MORN3: variants seen among roughly 807,000 people sequenced by gnomAD.
MORN3 encodes the protein MORN repeat containing 3.
MORN3 carries 38 observed loss-of-function variants against 34.7 expected under a neutral mutation model. The ratio of observed to expected loss-of-function variants is 1.10; its 90% CI spans 0.85 to 1.44. The LOEUF (loss-of-function observed/expected upper bound fraction) is 1.44, where lower values mean the gene tolerates loss of function less well. Ranked by LOEUF, MORN3 falls within the 40% of genes most tolerant of loss-of-function variation. The pLI is 0.00. For synonymous variants in MORN3, 109 were observed against 115.3 expected (o/e 0.95, Z 0.35); for missense variants, 311 against 321.7 (o/e 0.97, Z 0.25).
chr12:121,664,759 G>A (rs1172369296), intron 1 of MORN3, among the ~76,000 whole-genome samples: 1 of 151,610 alleles, frequency 6.6e-6, no homozygotes. Flanking sequence ...CCCGAACCTT[G>A]GGGATTTAGA....
Position 121,658,527 on chromosome 12 carries a change from C to G in MORN3, c.303+664G>C, listed in dbSNP as rs1289940126. ...CTCGCAGTGAGCCAAGATGGCGCCA[C>G]TGCACTCCAGCCTGGGCGGCAGGAT... On this transcript the variant is annotated intron_variant, in intron 2 of 5. Transcript: ENST00000355329. Among the ~76,000 whole-genome samples the G allele has an allele frequency of 2.8e-5, 4 of 140,654 alleles. No homozygotes were observed. The Admixed American group carries it at 3.0e-4, about 11-fold the overall frequency. 92.3% of individuals were successfully genotyped at this position (140,654 alleles called of 152,430 possible). A position where few individuals can be genotyped will look rare whatever the true frequency, so the allele number is the denominator to read the frequency against.
At position 121,659,299 on chromosome 12, in the gene MORN3, G is replaced by T. The variant is rs745555658; in HGVS notation, c.195C>A (p.Asp65Glu). Residue 65 changes from aspartate (D) to glutamate (E), a missense_variant, in exon 2 of 6, where the codon GAC (aspartate) becomes GAA (glutamate). By Grantham distance (45) the Asp-to-Glu change is conservative. Coordinates refer to ENST00000355329, the MANE Select transcript of MORN3 (RefSeq NM_173855.5). ...WKKKGAIYEG[D>E]WKFGKRDGYG... ...AGCCGTCTCGCTTCCCAAACTTCCAGTCCCCCTCATAGATGGCTCCTTTCT... is the reference window on the plus strand; with the variant it reads ...AGCCGTCTCGCTTCCCAAACTTCCATTCCCCCTCATAGATGGCTCCTTTCT... The T allele has an allele frequency of 4.3e-6, 7 of 1,613,968 alleles. No homozygotes were observed. Among genetic ancestry groups the T allele is most frequent in the Non-Finnish European group, 5.9e-6 (7 of 1,179,982 alleles).
At position 121,659,250 on chromosome 12, in the gene MORN3, G is replaced by A. The variant is rs1459571278; in HGVS notation, c.244C>T (p.Gln82Ter). 1 of 1,613,764 alleles carries A rather than the reference G, an allele frequency of 6.2e-7. No individual in the cohort carries two copies. Among genetic ancestry groups the A allele is most frequent in the Middle Eastern group, 1.7e-4 (1 of 6,060 alleles). The change falls in exon 2 of 6, where the codon CAA (glutamine) becomes TAA (stop). Residue 82 changes from glutamine (Q) to a stop codon, truncating the protein, a stop_gained. Coordinates refer to ENST00000355329, the MANE Select transcript of MORN3 (RefSeq NM_173855.5). LOFTEE classifies it high-confidence loss of function. ...DGYGTLSLPD[Q>*]QTGKCRRVYS... is the part of the protein sequence containing the mutation. Reference sequence around the variant, plus strand: ...ACTCTCCTGCACTTTCCTGTCTGTTGGTCAGGAAGGCTGAGGGTGCCGTAG... The same window carrying A: ...ACTCTCCTGCACTTTCCTGTCTGTTAGTCAGGAAGGCTGAGGGTGCCGTAG...
intron 4 of MORN3, 50 bp from the exon 5 acceptor site, chr12:121,652,858 C>G: frequency 6.3e-7 from 1 of 1,599,440 alleles, no homozygotes; most frequent in Non-Finnish European, 8.6e-7. Flanking sequence ...AGGACCCAGG[C>G]TGCCAGCCTT....
chr12:121,664,947 A>C (rs1893697991), intron 1 of MORN3, among the ~76,000 whole-genome samples: 1 of 148,788 alleles, frequency 6.7e-6, no homozygotes, highest in African/African-American at 2.5e-5. Flanking sequence ...CTCCTACCGC[A>C]GGCAAATGCA....
intron 4 of MORN3, 110 bp from the exon 5 acceptor site, chr12:121,652,918 C>A (rs1345853912): frequency 1.5e-5 from 22 of 1,445,698 alleles, no homozygotes; most frequent in Non-Finnish European, 2.1e-5. Flanking sequence ...TCAGGAGCCA[C>A]CTCCCTTGCT....
Position 121,649,990 on chromosome 12 carries a change from A to G in MORN3, c.*1661T>C, listed in dbSNP as rs1893214743. The G allele has an allele frequency of 6.6e-6, 1 of 151,042 alleles. No individual in the cohort carries two copies. The highest frequency in any genetic ancestry group is 1.5e-5 in the Non-Finnish European group (1 of 67,922). The allele number at this position is 151,042 out of a possible 1,614,324, so 9.4% of individuals were successfully genotyped here. On this transcript the variant is annotated 3_prime_UTR_variant, in exon 6 of 6. Transcript: ENST00000355329. Reference sequence around the variant, plus strand: ...GACATCAAAAATGTCATACATTGCCAAATGTCCCCAAGAAAGAGTGGGGCT... The same window carrying G: ...GACATCAAAAATGTCATACATTGCCGAATGTCCCCAAGAAAGAGTGGGGCT...
intron 5 of MORN3, 93 bp downstream of exon 5, chr12:121,652,635 G>A (rs1893285693): frequency 8.3e-7 from 1 of 1,202,454 alleles, no homozygotes; most frequent in South Asian, 1.3e-5. Context: ...CCGACCCCAA[G>A]CCCTTTGGAG....
At chr12:121,653,008 T>C (rs1893295008) in intron 4 of MORN3, 67 bp downstream of exon 4, 2 of 1,517,508 alleles carry the variant, frequency 1.3e-6, no homozygotes, top group Non-Finnish European at 1.8e-6. Flanking sequence ...GGCCTGGGCA[T>C]GGCTGGGGAT....
chr12:121,669,218 C>CTGGGGGAGCCT (rs1893870185), intron 1 of MORN3, 121 bp downstream of exon 1: 2 of 1,374,340 alleles, frequency 1.5e-6, no homozygotes, highest in Admixed American at 1.8e-5. Context: ...AGCGCTCACC[C>CTGGGGGAGCCT]TGGGGGAGCC....
At chr12:121,664,712 G>C (rs1036516040) in intron 1 of MORN3, among the ~76,000 whole-genome samples, 6 of 152,024 alleles carry the variant, frequency 3.9e-5, no homozygotes, top group Non-Finnish European at 7.4e-5. Flanking sequence ...CCAATACATT[G>C]ATTGGCTAGG....
Position 121,654,370 on chromosome 12 carries a change from G to C in MORN3, c.367C>G (p.Arg123Gly). 3 of 1,601,056 alleles carry C rather than the reference G, an allele frequency of 1.9e-6. No individual in the cohort carries two copies. Among genetic ancestry groups the C allele is most frequent in the Non-Finnish European group, 2.6e-6 (3 of 1,174,408 alleles). ...YYEGDWCGSQRSGWGRMYYSN... is the reference protein window; with the variant it reads ...YYEGDWCGSQGSGWGRMYYSN... The stretch of plus-strand genomic sequence containing the variant: ...TAATACATGCGGCCCCACCCGCTGC[G>C]CTGGCTGCCACACCAGTCACCCTCA... The change falls in exon 3 of 6, where the codon CGC becomes GGC. Residue 123 changes from arginine to glycine, a missense_variant. Coordinates refer to ENST00000355329, the MANE Select transcript of MORN3 (RefSeq NM_173855.5).
intron 1 of MORN3, among the ~76,000 whole-genome samples, chr12:121,666,886 A>G (rs1046909773): frequency 1.3e-5 from 2 of 151,458 alleles, no homozygotes; most frequent in Non-Finnish European, 2.9e-5. Flanking sequence ...GTCAAATCCA[A>G]AGTTCTTACC....
intron 1 of MORN3, among the ~76,000 whole-genome samples, chr12:121,662,532 G>C (rs1413473662): frequency 1.3e-5 from 2 of 152,042 alleles, no homozygotes; most frequent in Non-Finnish European, 2.9e-5. Flanking sequence ...GAGGCAGGCG[G>C]ATGATGAGGT....
At chr12:121,652,685 G>A (rs2136865591) in intron 5 of MORN3, 43 bp downstream of exon 5, 1 of 1,582,474 alleles carries the variant, frequency 6.3e-7, no homozygotes, top group Non-Finnish European at 8.7e-7. Flanking sequence ...CCCTGGAGCA[G>A]CCTCAGCCAC....
At chr12:121,668,655 A>G (rs572126507) in intron 1 of MORN3, among the ~76,000 whole-genome samples, 1 of 152,276 alleles carries the variant, frequency 6.6e-6, no homozygotes, top group South Asian at 2.1e-4. Context: ...TCGAGGCTGC[A>G]GTGAGCTATG....
intron 2 of MORN3, among the ~76,000 whole-genome samples, chr12:121,657,781 C>T (rs1284993838): frequency 6.6e-6 from 1 of 151,946 alleles, no homozygotes; most frequent in Non-Finnish European, 1.5e-5. Flanking sequence ...GCAGGAGAAT[C>T]GCTTGAACCC....
chr12:121,653,213 G>T lies in MORN3; in HGVS notation c.510C>A (p.Asn170Lys), dbSNP rs199814273. ...YEGCWERGMK[N>K]GAGRFFHLDH... ...CCAGATGGAAGAAACGCCCCGCCCC[G>T]TTCTTCATGCCTCTCTCCCAGCAGC... is the stretch of plus-strand genomic sequence containing the variant. Residue 170 changes from asparagine to lysine, a missense_variant, in exon 4 of 6, where the codon AAC (asparagine) becomes AAA (lysine). Asn to Lys is a moderately conservative substitution (Grantham distance 94). Coordinates refer to ENST00000355329, the MANE Select transcript of MORN3 (RefSeq NM_173855.5). 3 of 1,614,138 alleles carry T rather than the reference G, an allele frequency of 1.9e-6. No homozygotes were observed. The highest frequency in any genetic ancestry group is 1.7e-5 in the Admixed American group (1 of 60,002).
rs1274030487 is a variant in MORN3, at chr12:121,649,704, CATT to C, written c.*1944_*1946del. 1.4e-5 allele frequency: 2 copies of C among 142,460 alleles called. No homozygotes were observed. Among genetic ancestry groups the C allele is most frequent in the East Asian group, 4.1e-4 (2 of 4,884 alleles). 8.8% of individuals were successfully genotyped at this position (142,460 alleles called of 1,614,324 possible). ...ATCGTGGTATTTCAGGGTTTCTCAA[CATT>C]TTTTTTTTTTTTTTTTTTGGAGATG... On this transcript the variant is annotated 3_prime_UTR_variant, in exon 6 of 6. Coordinates refer to ENST00000355329, the MANE Select transcript of MORN3 (RefSeq NM_173855.5).
Sources: allele counts gnomAD v4.1 joint callset (sites outside exome capture counted in the v4.1 genomes callset), GRCh38; gene constraint gnomAD v4.1.1; transcripts MANE v1.5; gene names NCBI Gene and HGNC (gene_info 2026-07-23, HGNC 2026-07-21).